The following SLC20A2 variants were observed in gnomAD, a reference collection of about 807,000 sequenced individuals.
SLC20A2 encodes the protein sodium-dependent phosphate transporter 2.
Under a neutral mutation model 61.0 loss-of-function variants are expected in SLC20A2, and 30 were observed. That is an observed-to-expected ratio of 0.49 (90% CI 0.37 to 0.67). The LOEUF (loss-of-function observed/expected upper bound fraction) is 0.67, where lower values mean the gene tolerates loss of function less well. Among genes scored for constraint, SLC20A2 ranks in the 30% least tolerant of loss-of-function variants. The pLI is 0.00. For missense variants in SLC20A2, 626 were observed against 866.4 expected, an observed-to-expected ratio of 0.72 and a Z score of 3.48; for synonymous variants, 351 against 353.3, an observed-to-expected ratio of 0.99 and a Z score of 0.07.
chr8:42,472,565 G>A lies in SLC20A2; in HGVS notation c.-175C>T. 2 of 604,980 alleles carry A rather than the reference G, an allele frequency of 3.3e-6. No individual in the cohort carries two copies. The highest frequency in any genetic ancestry group is 5.8e-6 in the Non-Finnish European group (2 of 345,874). The allele number at this position is 604,980 out of a possible 1,614,324, so 37.5% of individuals were successfully genotyped here. A position where few individuals can be genotyped will look rare whatever the true frequency, so the allele number is the denominator to read the frequency against. On this transcript the variant is annotated 5_prime_UTR_variant, in exon 2 of 11. Coordinates refer to ENST00000520262, the MANE Select transcript of SLC20A2 (RefSeq NM_001257180.2). This position sits in a 1 kb window ranked among gnomAD's most constrained non-coding sequence, Gnocchi z 4.1. ...GCTAGCTGCTGGTTTGCAAACTACT[G>A]TCAGGACAGTTCATTTGGTTGTGTT...
At chr8:42,429,570 C>T (rs79986152) in intron 9 of SLC20A2, among the ~76,000 whole-genome samples, 28 of 152,328 alleles carry the variant, frequency 1.8e-4, no homozygotes, top group African/African-American at 6.0e-4. Flanking sequence ...GAAGGCTATG[C>T]GGTTGAGAGA....
intron 1 of SLC20A2, among the ~76,000 whole-genome samples, chr8:42,483,389 T>C (rs7817540): frequency 0.5 from 75,993 of 151,862 alleles, 21,137 homozygotes; most frequent in African/African-American, 0.77. Context: ...AACAAACTAA[T>C]TAACTGTATT....
upstream of SLC20A2, among the ~76,000 whole-genome samples, chr8:42,501,861 T>A (rs530530688): frequency 6.6e-6 from 1 of 152,342 alleles, no homozygotes; most frequent in East Asian, 1.9e-4. Flanking sequence ...CCTCTGTAGG[T>A]GACTGACCAT....
chr8:42,519,684 C>CA (rs1183667222), intron 1 of SLC20A2, among the ~76,000 whole-genome samples: 1 of 152,122 alleles, frequency 6.6e-6, no homozygotes, highest in Non-Finnish European at 1.5e-5. Flanking sequence ...CTGGGAAGGC[C>CA]AAAACCTATG....
At chr8:42,430,633 T>A (rs780797101) in intron 8 of SLC20A2, among the ~76,000 whole-genome samples, 1 of 152,198 alleles carries the variant, frequency 6.6e-6, no homozygotes, top group Non-Finnish European at 1.5e-5. Context: ...AGTGTTGGGA[T>A]TACAGGCATG....
chr8:42,459,175 G>A (rs1333801739), intron 5 of SLC20A2, among the ~76,000 whole-genome samples: 1 of 141,882 alleles, frequency 7.0e-6, no homozygotes, highest in Non-Finnish European at 1.5e-5. Flanking sequence ...GGCGGAGGTT[G>A]CAGTTTTCCA....
intron 5 of SLC20A2, among the ~76,000 whole-genome samples, chr8:42,457,588 G>T (rs1467955029): frequency 6.6e-6 from 1 of 151,942 alleles, no homozygotes; most frequent in African/African-American, 2.4e-5. Context: ...TCAGGTTCAA[G>T]CAATTATCCT....
intron 1 of SLC20A2, among the ~76,000 whole-genome samples, chr8:42,508,338 G>A (rs1335067512): frequency 6.6e-6 from 1 of 151,174 alleles, no homozygotes; most frequent in Non-Finnish European, 1.5e-5. Flanking sequence ...GATCTTGGAG[G>A]GAGTGGTATT....
chr8:42,541,279 C>T (rs1032755757), intron 1 of SLC20A2: 2 of 150,718 alleles, frequency 1.3e-5, no homozygotes, highest in African/African-American at 4.8e-5. Context: ...CCACGTGGGC[C>T]AGCAGGCGCG....
rs1563488008 is a variant in SLC20A2, at chr8:42,464,090, A to ATTTTTTT, written c.431-1001_431-1000insAAAAAAA. 1.0e-3 allele frequency among the ~76,000 whole-genome samples: 20 copies of ATTTTTTT among 19,994 alleles called. 1 individual carries two copies. Among genetic ancestry groups the ATTTTTTT allele is most frequent in the African/African-American group, 1.8e-3 (16 of 9,088 alleles). 13.1% of individuals were successfully genotyped at this position (19,994 alleles called of 152,430 possible). Reference sequence around the variant, plus strand: ...TTCTTCCCAAAGGGCAGGCTGGATGATCTTTTTTTTTTTTTTTTTTTTTTT... The same window carrying ATTTTTTT: ...TTCTTCCCAAAGGGCAGGCTGGATGATTTTTTTTCTTTTTTTTTTTTTTTTTTTTTTT... On this transcript the variant is annotated intron_variant, in intron 3 of 10. Transcript: ENST00000520262.
chr8:42,444,469 T>C (rs766299782), intron 6 of SLC20A2, among the ~76,000 whole-genome samples, 177 bp downstream of exon 6: 6 of 152,174 alleles, frequency 3.9e-5, no homozygotes, highest in Non-Finnish European at 8.8e-5. Context: ...GGTTACAACT[T>C]ATCAAGAAAA....
intron 2 of SLC20A2, among the ~76,000 whole-genome samples, chr8:42,466,505 A>G (rs934159864): frequency 1.3e-5 from 2 of 152,178 alleles, no homozygotes; most frequent in Non-Finnish European, 2.9e-5. Context: ...ACCAAGCAAG[A>G]GATTAAAGTC....
In SLC20A2 at chr8:42,426,657, C is replaced by T. The variant is rs375887728; in HGVS notation, c.1794+2101G>A. 1.3e-4 allele frequency among the ~76,000 whole-genome samples: 20 copies of T among 152,034 alleles called. No individual in the cohort carries two copies. The South Asian group carries it at 1.5e-3, about 11-fold the overall frequency. ...CTGCGGTGAGCTGGGACCATGCCAC[C>T]GCACTCCAGCCTGGATGAGAGTGAG... On this transcript the variant is annotated intron_variant, in intron 10 of 10. Transcript: ENST00000520262.
At chr8:42,450,180 AATATAT>A (rs375520094) in intron 5 of SLC20A2, among the ~76,000 whole-genome samples, 3 of 151,368 alleles carry the variant, frequency 2.0e-5, no homozygotes, top group African/African-American at 7.3e-5. Context: ...ATAAGTAAAA[AATATAT>A]ATATATATTT....
intron 5 of SLC20A2, among the ~76,000 whole-genome samples, chr8:42,445,714 TA>T (rs200789151): frequency 0.032 from 4,881 of 151,238 alleles, 110 homozygotes; most frequent in African/African-American, 0.067. Context: ...GCAACAAGAG[TA>T]AAACTCCATC....
chr8:42,458,947 C>CT (rs1554556381), intron 5 of SLC20A2, among the ~76,000 whole-genome samples: 4 of 140,442 alleles, frequency 2.8e-5, no homozygotes, highest in African/African-American at 1.1e-4. Flanking sequence ...TTAACCCCCC[C>CT]CCCCACAAAA....
intron 2 of SLC20A2, among the ~76,000 whole-genome samples, chr8:42,468,631 G>A (rs1807372627): frequency 6.6e-6 from 1 of 152,168 alleles, no homozygotes; most frequent in African/African-American, 2.4e-5. Flanking sequence ...TGGGATAAGA[G>A]TGCAAGCCAC....
At chr8:42,532,434 G>A (rs1358225688) in intron 1 of SLC20A2, among the ~76,000 whole-genome samples, 1 of 152,054 alleles carries the variant, frequency 6.6e-6, no homozygotes, top group African/African-American at 2.4e-5. Context: ...CTTAAATAAA[G>A]GGCTGAAATG....
intron 1 of SLC20A2, chr8:42,540,948 G>C (rs1035070007): frequency 6.6e-6 from 1 of 152,240 alleles, no homozygotes; most frequent in East Asian, 1.9e-4. Context: ...GCCATATCCA[G>C]TTTTGAAAAC....
Sources: allele counts gnomAD v4.1 joint callset (sites outside exome capture counted in the v4.1 genomes callset), GRCh38; gene constraint gnomAD v4.1.1; non-coding constraint Gnocchi (gnomAD v3.1); transcripts MANE v1.5; gene names NCBI Gene and HGNC (gene_info 2026-07-23, HGNC 2026-07-21).